SPIDR: variants seen among roughly 807,000 people sequenced by gnomAD.
SPIDR encodes scaffold protein involved in DNA repair, also known as DNA repair-scaffolding protein.
Under a neutral mutation model 104.6 loss-of-function variants are expected in SPIDR, and 93 were observed. The observed-to-expected ratio is 0.89, with a 90% confidence interval of 0.75 to 1.06. The LOEUF (loss-of-function observed/expected upper bound fraction) is 1.06, where lower values mean the gene tolerates loss of function less well. SPIDR is among the 50% of genes least tolerant of loss of function. The pLI is 0.00. For synonymous variants in SPIDR, 431 were observed against 416.9 expected, an observed-to-expected ratio of 1.03 and a Z score of -0.41; for missense variants, 1,154 against 1,111.2, an observed-to-expected ratio of 1.04 and a Z score of -0.55.
At chr8:47,695,326 G>T (rs2079177540) in intron 11 of SPIDR, among the ~76,000 whole-genome samples, 1 of 151,862 alleles carries the variant, frequency 6.6e-6, no homozygotes, top group East Asian at 1.9e-4. Context: ...AGAGAAATTA[G>T]CAGCAACATG....
intron 10 of SPIDR, among the ~76,000 whole-genome samples, chr8:47,614,865 TTTC>T (rs1253374297): frequency 6.6e-6 from 1 of 152,206 alleles, no homozygotes; most frequent in Admixed American, 6.5e-5. Flanking sequence ...GCATCTGTTG[TTTC>T]TTGACTTTTT....
intron 5 of SPIDR, among the ~76,000 whole-genome samples, chr8:47,344,682 C>G (rs1247375248): frequency 6.6e-6 from 1 of 152,158 alleles, no homozygotes; most frequent in African/African-American, 2.4e-5. Context: ...GAGATGGTAT[C>G]TCATTGTGGT....
chr8:47,668,749 A>G (rs980494227), intron 10 of SPIDR, among the ~76,000 whole-genome samples: 1 of 152,260 alleles, frequency 6.6e-6, no homozygotes, highest in African/African-American at 2.4e-5. Context: ...ACGGATTACA[A>G]ATAGTAATTG....
intron 3 of SPIDR, 38 bp from the exon 4 acceptor site, chr8:47,290,995 A>C (rs2039816557): frequency 2.0e-6 from 3 of 1,490,250 alleles, no homozygotes; most frequent in Admixed American, 3.6e-5. Flanking sequence ...TGACCATATA[A>C]GGAGATCATA....
At chr8:47,542,629 T>G (rs2088443918) in intron 8 of SPIDR, among the ~76,000 whole-genome samples, 1 of 152,102 alleles carries the variant, frequency 6.6e-6, no homozygotes, top group African/African-American at 2.4e-5. Flanking sequence ...TAATTAAACT[T>G]TTTATTTTGA....
chr8:47,621,194 A>G (rs995667233), intron 10 of SPIDR, among the ~76,000 whole-genome samples: 7 of 152,090 alleles, frequency 4.6e-5, no homozygotes, highest in African/African-American at 1.7e-4. Context: ...TGACCTTGTG[A>G]TCCGCCCACC....
chr8:47,279,918 G>C lies in SPIDR; in HGVS notation c.90G>C (p.Gln30His). Residue 30 changes from glutamine to histidine, a missense_variant, in exon 2 of 20, where the codon CAG becomes CAC. Gln to His is a conservative substitution (Grantham distance 24). Transcript: ENST00000297423. ...CCTTTCCAGGAGAAAGACCACTGCA[G>C]GTCAGAAGAGCAGGTCTCAGGACAG... ...CPSFPGERPL[Q>H]VRRAGLRTAG... The C allele has an allele frequency of 3.1e-6, 5 of 1,613,942 alleles. No homozygotes were observed. Among genetic ancestry groups the C allele is most frequent in the Non-Finnish European group, 4.2e-6 (5 of 1,179,898 alleles).
At chr8:47,529,572 T>C (rs2085587476) in intron 8 of SPIDR, among the ~76,000 whole-genome samples, 1 of 152,138 alleles carries the variant, frequency 6.6e-6, no homozygotes, top group East Asian at 1.9e-4. Flanking sequence ...CTACTAAGGC[T>C]ACCTTGCAAG....
chr8:47,734,071 G>C (rs552855320), intron 19 of SPIDR, among the ~76,000 whole-genome samples: 1 of 152,266 alleles, frequency 6.6e-6, no homozygotes, highest in African/African-American at 2.4e-5. Flanking sequence ...AAACTTGGTG[G>C]CATCAATATT....
chr8:47,357,380 G>A (rs782599248), intron 5 of SPIDR, among the ~76,000 whole-genome samples: 9 of 152,150 alleles, frequency 5.9e-5, no homozygotes, highest in South Asian at 2.1e-4. Context: ...TCTGTCCTGC[G>A]TGGGAGATGG....
intron 8 of SPIDR, among the ~76,000 whole-genome samples, chr8:47,471,623 T>C (rs1321857964): frequency 6.6e-6 from 1 of 152,198 alleles, no homozygotes; most frequent in African/African-American, 2.4e-5. Context: ...GTTCTGGAAG[T>C]AGATAATGTT....
intron 2 of SPIDR, among the ~76,000 whole-genome samples, chr8:47,281,343 A>G (rs1169552767): frequency 6.6e-6 from 1 of 152,206 alleles, no homozygotes; most frequent in Non-Finnish European, 1.5e-5. Flanking sequence ...AGTTTACCAC[A>G]TCTATTTACT....
chr8:47,397,827 G>A (rs1206378918), intron 6 of SPIDR, among the ~76,000 whole-genome samples: 1 of 152,186 alleles, frequency 6.6e-6, no homozygotes, highest in Admixed American at 6.5e-5. Context: ...AAAAGATCCA[G>A]CCTCTAGAGA....
rs116675984 is a variant in SPIDR at position 47,609,789 on chromosome 8, A to G, written c.1544+10593A>G. ...TCATTTGACCCATGTTATCATTTAT[A>G]GCTATACACATTGAATAACTTTCTT... On this transcript the variant is annotated intron_variant, in intron 10 of 19. Coordinates refer to ENST00000297423, the MANE Select transcript of SPIDR (RefSeq NM_001080394.4). Among the ~76,000 whole-genome samples, 1,414 of 152,314 alleles carry G rather than the reference A, an allele frequency of 9.3e-3. 24 individuals carry two copies. Among genetic ancestry groups the G allele is most frequent in the African/African-American group, 0.032 (1,316 of 41,566 alleles).
At chr8:47,683,898 G>A (rs1310944982) in intron 11 of SPIDR, among the ~76,000 whole-genome samples, 1 of 151,964 alleles carries the variant, frequency 6.6e-6, no homozygotes, top group Non-Finnish European at 1.5e-5. Context: ...TGGCTGAGGC[G>A]GGTGGATCAC....
At chr8:47,297,618 C>A (rs2041126602) in intron 5 of SPIDR, among the ~76,000 whole-genome samples, 1 of 152,120 alleles carries the variant, frequency 6.6e-6, no homozygotes, top group Non-Finnish European at 1.5e-5. Context: ...CTCCCCCACC[C>A]CACGACAGGC....
chr8:47,424,305 A>G (rs1351415678), intron 7 of SPIDR, among the ~76,000 whole-genome samples: 1 of 152,064 alleles, frequency 6.6e-6, no homozygotes, highest in Admixed American at 6.6e-5. Flanking sequence ...AGTAGTTACA[A>G]ATGTTCTTTT....
At chr8:47,605,689 A>G (rs925468974) in intron 10 of SPIDR, among the ~76,000 whole-genome samples, 11 of 152,172 alleles carry the variant, frequency 7.2e-5, no homozygotes, top group African/African-American at 2.4e-4. Context: ...TGGTATTATA[A>G]TACTATAATG....
intron 8 of SPIDR, among the ~76,000 whole-genome samples, chr8:47,468,438 A>G (rs1457016902): frequency 6.6e-6 from 1 of 152,228 alleles, no homozygotes; most frequent in African/African-American, 2.4e-5. Context: ...GTGTTATGCT[A>G]CCTGACTTCA....
Sources: allele counts gnomAD v4.1 joint callset (sites outside exome capture counted in the v4.1 genomes callset), GRCh38; gene constraint gnomAD v4.1.1; transcripts MANE v1.5; gene names NCBI Gene and HGNC (gene_info 2026-07-23, HGNC 2026-07-21).